The following C1QTNF7 variants were observed in gnomAD, a reference collection of about 807,000 sequenced individuals.
The protein encoded by C1QTNF7 is complement C1q tumor necrosis factor-related protein 7.
In C1QTNF7, 15 loss-of-function variants were observed where a neutral mutation model predicts 19.6. The observed-to-expected ratio is 0.76, with a 90% CI of 0.51 to 1.18. The LOEUF (loss-of-function observed/expected upper bound fraction) is 1.18, where lower values mean the gene tolerates loss of function less well. Ranked by LOEUF, C1QTNF7 falls within the 50% of genes most tolerant of loss-of-function variation. The probability of loss-of-function intolerance (pLI) is 0.00; values close to 1 mark genes in which losing one functional copy is unlikely to be tolerated. For synonymous variants in C1QTNF7, 142 were observed against 137.5 expected (o/e 1.03, Z -0.23); for missense variants, 324 against 359.7 (o/e 0.90, Z 0.80).
chr4:15,391,826 A>C (rs1269771091), intron 1 of C1QTNF7, among the ~76,000 whole-genome samples: 3 of 152,194 alleles, frequency 2.0e-5, no homozygotes, highest in Non-Finnish European at 4.4e-5. Context: ...AAAGGAGGAA[A>C]AGGGACAACA....
rs543628696 is a variant in C1QTNF7, at chr4:15,436,731, T to C, written c.238+750T>C. 3.3e-5 allele frequency among the ~76,000 whole-genome samples: 5 copies of C among 152,256 alleles called. No homozygotes were observed. In the East Asian group the frequency reaches 5.8e-4, roughly 18 times the overall value. On this transcript the variant is annotated intron_variant, in intron 2 of 2. Coordinates refer to ENST00000444304, the MANE Select transcript of C1QTNF7 (RefSeq NM_031911.5). Reference sequence around the variant, plus strand: ...CTGCAGTCCTTCAGGGTAAACCAAATTGAAATTCTAGACAGGCTGTGTTAA... The same window carrying C: ...CTGCAGTCCTTCAGGGTAAACCAAACTGAAATTCTAGACAGGCTGTGTTAA...
chr4:15,439,279 A>G (rs1712657282), intron 2 of C1QTNF7, among the ~76,000 whole-genome samples: 1 of 152,202 alleles, frequency 6.6e-6, no homozygotes. Context: ...TCAAACAAAC[A>G]TTACTATAGA....
chr4:15,439,699 T>G (rs1334120153), intron 2 of C1QTNF7, among the ~76,000 whole-genome samples: 1 of 152,206 alleles, frequency 6.6e-6, no homozygotes. Flanking sequence ...ATCAGCAATA[T>G]ATTTGCTCTG....
Position 15,441,435 on chromosome 4 carries a change from T to A in C1QTNF7, c.239-733T>A, listed in dbSNP as rs113166719. On this transcript the variant is annotated intron_variant, in intron 2 of 2. Coordinates refer to ENST00000444304, the MANE Select transcript of C1QTNF7 (RefSeq NM_031911.5). ...AAGCAAATCTAATTTTGATTAATTC[T>A]CTTATTATTATCACAAATAGAAATA... is the stretch of plus-strand genomic sequence containing the variant. Among the ~76,000 whole-genome samples the A allele has an allele frequency of 6.8e-3, 1,035 of 152,348 alleles. 15 individuals carry two copies. The highest frequency in any genetic ancestry group is 0.024 in the African/African-American group (988 of 41,582).
At chr4:15,441,559 C>T (rs1712756664) in intron 2 of C1QTNF7, among the ~76,000 whole-genome samples, 1 of 152,158 alleles carries the variant, frequency 6.6e-6, no homozygotes, top group Admixed American at 6.5e-5. Context: ...CTGTAGTGCC[C>T]AGTACCTATA....
At chr4:15,363,039 A>T (rs1225800498) in intron 1 of C1QTNF7, among the ~76,000 whole-genome samples, 2 of 152,192 alleles carry the variant, frequency 1.3e-5, no homozygotes, top group African/African-American at 2.4e-5. Flanking sequence ...CCTGCCTTGA[A>T]ATTTTGTACT....
intron 1 of C1QTNF7, among the ~76,000 whole-genome samples, chr4:15,372,202 T>C (rs899829754): frequency 9.2e-5 from 14 of 152,230 alleles, no homozygotes; most frequent in African/African-American, 2.9e-4. Flanking sequence ...CCAAAATTCA[T>C]GTGTTGAAGC....
chr4:15,355,199 A>T (rs532915815), intron 1 of C1QTNF7, among the ~76,000 whole-genome samples: 1 of 152,140 alleles, frequency 6.6e-6, no homozygotes, highest in Non-Finnish European at 1.5e-5. Context: ...AGCAGTGAGC[A>T]GGACCGTAAA....
intron 1 of C1QTNF7, among the ~76,000 whole-genome samples, chr4:15,393,169 C>T (rs1454834156): frequency 6.6e-6 from 1 of 152,204 alleles, no homozygotes; most frequent in Admixed American, 6.5e-5. Flanking sequence ...GTCTTGTCTG[C>T]CGCCATGTAA....
At chr4:15,411,367 C>A (rs1056411229) in intron 1 of C1QTNF7, among the ~76,000 whole-genome samples, 5 of 152,170 alleles carry the variant, frequency 3.3e-5, no homozygotes, top group African/African-American at 7.2e-5. Flanking sequence ...TAAAAAAAAA[C>A]CACTGTGCAC....
chr4:15,416,494 G>A (rs143692300), intron 1 of C1QTNF7, among the ~76,000 whole-genome samples: 2 of 152,284 alleles, frequency 1.3e-5, no homozygotes, highest in East Asian at 3.9e-4. Context: ...CGCTGACCAT[G>A]CTGACACGTG....
chr4:15,359,144 G>T (rs982761180), intron 1 of C1QTNF7, among the ~76,000 whole-genome samples: 2 of 152,100 alleles, frequency 1.3e-5, no homozygotes, highest in African/African-American at 4.8e-5. Flanking sequence ...GGAAGGTCAG[G>T]TGCTCACATT....
At chr4:15,418,543 C>T (rs548858218) in intron 1 of C1QTNF7, among the ~76,000 whole-genome samples, 3 of 152,150 alleles carry the variant, frequency 2.0e-5, no homozygotes, top group Non-Finnish European at 4.4e-5. Context: ...CTAAGTCATC[C>T]TCAGGTATCC....
chr4:15,407,378 A>G (rs1719229413), intron 1 of C1QTNF7, among the ~76,000 whole-genome samples: 1 of 152,214 alleles, frequency 6.6e-6, no homozygotes. Context: ...AAATTCAGGG[A>G]GGCTCAGAGA....
chr4:15,409,874 T>C (rs952572764), intron 1 of C1QTNF7, among the ~76,000 whole-genome samples: 2 of 152,204 alleles, frequency 1.3e-5, no homozygotes, highest in African/African-American at 4.8e-5. Context: ...TAGGGAACCT[T>C]CAGTAAATCA....
chr4:15,364,955 T>G (rs1037757706), intron 1 of C1QTNF7, among the ~76,000 whole-genome samples: 3 of 152,136 alleles, frequency 2.0e-5, no homozygotes, highest in African/African-American at 7.2e-5. Context: ...TGATTGTCAG[T>G]GAAAACCAAA....
chr4:15,364,098 G>A (rs1308190301), intron 1 of C1QTNF7, among the ~76,000 whole-genome samples: 2 of 152,164 alleles, frequency 1.3e-5, no homozygotes, highest in Admixed American at 6.5e-5. Flanking sequence ...AGTGTTATCT[G>A]TATTCTCTAA....
At chr4:15,385,502 C>T (rs1718300730) in intron 1 of C1QTNF7, among the ~76,000 whole-genome samples, 1 of 152,082 alleles carries the variant, frequency 6.6e-6, no homozygotes, top group Admixed American at 6.5e-5. Context: ...TCAGGAACAA[C>T]AAAGATGCCA....
intron 1 of C1QTNF7, among the ~76,000 whole-genome samples, chr4:15,434,168 C>T (rs1203600798): frequency 1.4e-5 from 2 of 145,284 alleles, no homozygotes; most frequent in Non-Finnish European, 3.0e-5. Flanking sequence ...GTTCTCCTTG[C>T]TTTTTTTTTT....
Sources: gnomAD v4.1 joint callset for allele counts (sites outside exome capture counted in the v4.1 genomes callset) on GRCh38, gnomAD v4.1.1 for gene constraint, MANE v1.5 for transcripts, NCBI Gene and HGNC (gene_info 2026-07-23, HGNC 2026-07-21) for gene names.